DOCK7: variants seen among roughly 807,000 people sequenced by gnomAD.
The protein encoded by DOCK7 is dedicator of cytokinesis protein 7.
A neutral mutation model predicts 271.0 loss-of-function variants in DOCK7; 138 were observed. The observed-to-expected ratio is 0.51, with a 90% CI of 0.44 to 0.59. The LOEUF (loss-of-function observed/expected upper bound fraction) is 0.59. Among genes scored for constraint, DOCK7 ranks in the 20% least tolerant of loss-of-function variants. The pLI is 0.00. For missense variants in DOCK7, 2,066 were observed against 2,592.4 expected (o/e 0.80, Z 4.41); for synonymous variants, 823 against 876.1 (o/e 0.94, Z 1.07).
At chr1:62,495,912 C>A in intron 38 of DOCK7, 1 of 412,704 alleles carries the variant, frequency 2.4e-6, no homozygotes, top group Non-Finnish European at 4.2e-6. Context: ...CACCTGGAAA[C>A]AAGCAGAACT....
At chr1:62,515,691 C>G (rs1333145446) in intron 31 of DOCK7, among the ~76,000 whole-genome samples, 1 of 152,120 alleles carries the variant, frequency 6.6e-6, no homozygotes, top group Non-Finnish European at 1.5e-5. Flanking sequence ...TAATCAAAAT[C>G]CCAGTCAGGT....
rs1335866315 is a variant in DOCK7, at chr1:62,604,581, A to G, written c.1682+14125T>C. The G allele has an allele frequency of 3.9e-6, 6 of 1,543,932 alleles. No homozygotes were observed. In the African/African-American group the frequency reaches 8.2e-5, roughly 21 times the overall value. ...TAAACTTACGGGGAAATACAGTAACAGTAACTACATACGAGTCTGTACCCA... is the reference window on the plus strand; with the variant it reads ...TAAACTTACGGGGAAATACAGTAACGGTAACTACATACGAGTCTGTACCCA... On this transcript the variant is annotated intron_variant, in intron 14 of 49. Transcript: ENST00000635253.
chr1:62,468,943 C>A (rs1645754895), intron 48 of DOCK7, among the ~76,000 whole-genome samples: 2 of 152,102 alleles, frequency 1.3e-5, no homozygotes, highest in Admixed American at 6.5e-5. Flanking sequence ...AATGGAAACA[C>A]ATCCCATGTT....
chr1:62,566,077 T>G (rs1226187016), intron 18 of DOCK7, among the ~76,000 whole-genome samples: 19 of 152,160 alleles, frequency 1.2e-4, no homozygotes, highest in Admixed American at 1.2e-3. Context: ...GGAAAAACAT[T>G]CCATGCTCAT....
rs1645320084 is a variant in DOCK7 at position 62,535,619 on chromosome 1, G to A, written c.3485C>T (p.Ser1162Phe). ...AATCTTTTGGTCTTGTACATTCGTA[G>A]AAAATCCAGAACTCTGTTGGAAAGT... ...SSATSQSSGFSTNVQDQKIAN... is the reference protein window; with the variant it reads ...SSATSQSSGFFTNVQDQKIAN... Residue 1162 changes from serine (S) to phenylalanine (F), a missense_variant, in exon 29 of 50, where the codon TCT (serine) becomes TTT (phenylalanine). By Grantham distance (155) the Ser-to-Phe change is radical. Around this residue, in one of 2 missense-constraint regions of DOCK7, gnomAD observed 1,414 missense variants for 1,670.4 expected, o/e 0.85. Transcript: ENST00000635253. 6.2e-7 allele frequency: 1 copy of A among 1,613,512 alleles called. No individual in the cohort carries two copies. The highest frequency in any genetic ancestry group is 8.5e-7 in the Non-Finnish European group (1 of 1,179,694).
intron 7 of DOCK7, among the ~76,000 whole-genome samples, chr1:62,646,886 G>A (rs1169233993): frequency 6.6e-6 from 1 of 152,086 alleles, no homozygotes. Flanking sequence ...TTAATTTTAT[G>A]ATATATAAAT....
chr1:62,661,192 A>G (rs934853806), intron 2 of DOCK7, among the ~76,000 whole-genome samples: 3 of 152,146 alleles, frequency 2.0e-5, no homozygotes, highest in African/African-American at 7.2e-5. Flanking sequence ...CAAATACTGT[A>G]TGATTCCACT....
At chr1:62,660,445 T>G (rs564613817) in intron 2 of DOCK7, among the ~76,000 whole-genome samples, 1 of 152,300 alleles carries the variant, frequency 6.6e-6, no homozygotes, top group East Asian at 1.9e-4. Context: ...TTGGTACCCA[T>G]TAGAATGGCT....
chr1:62,661,554 A>G (rs1015434730), intron 2 of DOCK7, among the ~76,000 whole-genome samples: 2 of 152,014 alleles, frequency 1.3e-5, no homozygotes, highest in African/African-American at 4.8e-5. Flanking sequence ...TTTTGCCCAG[A>G]TATTATTTCT....
intron 30 of DOCK7, among the ~76,000 whole-genome samples, chr1:62,528,734 T>G (rs1645087740): frequency 6.6e-6 from 1 of 152,226 alleles, no homozygotes; most frequent in Admixed American, 6.5e-5. Flanking sequence ...CTGGTTTAAA[T>G]TCCCTCATTT....
intron 31 of DOCK7, among the ~76,000 whole-genome samples, chr1:62,517,966 AATAC>A (rs376698400): frequency 1.3e-5 from 2 of 152,326 alleles, no homozygotes; most frequent in African/African-American, 4.8e-5. Flanking sequence ...GAAGAGAATG[AATAC>A]ATAATTATAT....
rs960437667 is a variant in DOCK7, at chr1:62,659,869, A to G, written c.144+3156T>C. Among the ~76,000 whole-genome samples the G allele has an allele frequency of 3.9e-5, 6 of 152,338 alleles. No individual in the cohort carries two copies. In the South Asian group the frequency reaches 6.2e-4, roughly 16 times the overall value. ...GAGGACATAGCAATCTTAAATGTGT[A>G]TGTACTAAATAACAGAGTTATACTC... On this transcript the variant is annotated intron_variant, in intron 2 of 49. Coordinates refer to ENST00000635253, the MANE Select transcript of DOCK7 (RefSeq NM_001367561.1).
intron 8 of DOCK7, among the ~76,000 whole-genome samples, chr1:62,636,268 A>C (rs946028229): frequency 1.1e-4 from 16 of 152,180 alleles, no homozygotes; most frequent in Non-Finnish European, 1.9e-4. Flanking sequence ...ACTGCTTGCC[A>C]AAAGTGATTT....
intron 19 of DOCK7, 48 bp downstream of exon 19, chr1:62,561,569 T>C (rs1329915320): frequency 8.1e-7 from 1 of 1,229,490 alleles, no homozygotes. Flanking sequence ...AGATATTACG[T>C]TCAATTTATT....
At chr1:62,521,863 CTA>C (rs1317676077) in intron 31 of DOCK7, among the ~76,000 whole-genome samples, 1 of 152,104 alleles carries the variant, frequency 6.6e-6, no homozygotes, top group Non-Finnish European at 1.5e-5. Context: ...GTAATTCCAG[CTA>C]TTCAGGAGGC....
chr1:62,581,253 GA>G (rs1003109335), intron 16 of DOCK7, among the ~76,000 whole-genome samples: 8 of 151,648 alleles, frequency 5.3e-5, no homozygotes, highest in African/African-American at 1.5e-4. Flanking sequence ...TATTATAATA[GA>G]AAAAAAACCA....
chr1:62,572,843 G>A (rs962007875), intron 18 of DOCK7, among the ~76,000 whole-genome samples: 1 of 152,154 alleles, frequency 6.6e-6, no homozygotes, highest in Admixed American at 6.6e-5. Flanking sequence ...AACTTGCCCA[G>A]GGTCACACAA....
intron 4 of DOCK7, 111 bp from the exon 5 acceptor site, chr1:62,648,655 G>A: frequency 1.8e-6 from 1 of 561,080 alleles, no homozygotes; most frequent in Non-Finnish European, 2.7e-6. Flanking sequence ...ATTTCTTTAT[G>A]TAATAAGAAT....
intron 4 of DOCK7, 95 bp from the exon 5 acceptor site, chr1:62,648,639 T>G (rs1656967042): frequency 3.1e-6 from 2 of 636,346 alleles, no homozygotes; most frequent in Admixed American, 4.1e-5. Context: ...AAGTGTTTTC[T>G]GCATTATTTC....
Sources: gnomAD v4.1 joint callset for allele counts (sites outside exome capture counted in the v4.1 genomes callset) on GRCh38, gnomAD v4.1.1 for gene constraint, gnomAD v4.1.1 regional missense constraint, MANE v1.5 for transcripts, NCBI Gene and HGNC (gene_info 2026-07-23, HGNC 2026-07-21) for gene names.